The following SERPINF1 variants were observed in gnomAD, a reference collection of about 807,000 sequenced individuals.
SERPINF1 encodes serpin family F member 1.
A neutral mutation model predicts 37.3 loss-of-function variants in SERPINF1; 29 were observed. The observed-to-expected ratio is 0.78, with a 90% CI of 0.58 to 1.06. The LOEUF (loss-of-function observed/expected upper bound fraction) is 1.06. SERPINF1 is among the 50% of genes least tolerant of loss of function. The pLI is 0.00. For synonymous variants in SERPINF1, 281 were observed against 227.9 expected, an observed-to-expected ratio of 1.23 and a Z score of -2.10; for missense variants, 553 against 532.2, an observed-to-expected ratio of 1.04 and a Z score of -0.38.
At chr17:1,770,833 G>C (rs768231360) in intron 3 of SERPINF1, 196 bp from the exon 4 acceptor site, 15 of 641,674 alleles carry the variant, frequency 2.3e-5, no homozygotes, top group Non-Finnish European at 3.7e-5. Flanking sequence ...CCACCTTCCA[G>C]GCCTGATGCC....
chr17:1,770,953 G>T, intron 3 of SERPINF1, 76 bp from the exon 4 acceptor site: 1 of 1,576,620 alleles, frequency 6.3e-7, no homozygotes, highest in South Asian at 1.1e-5. Flanking sequence ...TGAGTATAGT[G>T]TCTGTGTTCT....
intron 4 of SERPINF1, 189 bp from the exon 5 acceptor site, chr17:1,771,683 G>T: frequency 3.0e-6 from 2 of 655,910 alleles, no homozygotes; most frequent in South Asian, 3.3e-5. Flanking sequence ...CGCGATGTGG[G>T]GAAATCTGCT....
chr17:1,775,433 A>G (rs779297051), intron 6 of SERPINF1, among the ~76,000 whole-genome samples: 2 of 152,182 alleles, frequency 1.3e-5, no homozygotes, highest in East Asian at 3.9e-4. Flanking sequence ...GAATAAGGTA[A>G]TAGGAAATGG....
Position 1,776,675 on chromosome 17 carries a change from G to A in SERPINF1, c.930G>A (p.Ala310=), listed in dbSNP as rs369836889. 17 of 1,613,316 alleles carry A rather than the reference G, an allele frequency of 1.1e-5. No homozygotes were observed. Among genetic ancestry groups the A allele is most frequent in the South Asian group, 5.5e-5 (5 of 91,032 alleles). Residue 310 remains alanine, a synonymous_variant, in exon 7 of 8, where the codon GCG becomes GCA. Transcript: ENST00000254722. ...ACCGAGAACTGAAGACCGTGCAGGC[G>A]GTCCTCACTGTCCCCAAGCTGAAGC... ...DIDRELKTVQ[A]VLTVPKLKLS... is the part of the protein sequence containing the mutation.
intron 7 of SERPINF1, 137 bp downstream of exon 7, chr17:1,776,879 G>A (rs565561417): frequency 1.6e-5 from 13 of 828,834 alleles, no homozygotes; most frequent in South Asian, 4.7e-5. Context: ...AATCCTCATC[G>A]TGCCAGAAGG....
intron 3 of SERPINF1, 60 bp from the exon 4 acceptor site, chr17:1,770,969 G>A (rs1451489931): frequency 6.2e-7 from 1 of 1,606,746 alleles, no homozygotes; most frequent in African/African-American, 1.3e-5. Context: ...GTTCTGGGAG[G>A]GGGCTTGATT....
intron 6 of SERPINF1, among the ~76,000 whole-genome samples, chr17:1,775,893 C>A (rs974502797): frequency 6.6e-6 from 1 of 152,224 alleles, no homozygotes. Context: ...AAGTCTGTAA[C>A]TGTTAACCTT....
chr17:1,770,946 G>T, intron 3 of SERPINF1, 83 bp from the exon 4 acceptor site: 2 of 1,552,372 alleles, frequency 1.3e-6, no homozygotes, highest in South Asian at 1.1e-5. Context: ...AAAAAGATGA[G>T]TATAGTGTCT....
At chr17:1,771,405 C>CT (rs1168699711) in intron 4 of SERPINF1, among the ~76,000 whole-genome samples, 2 of 151,796 alleles carry the variant, frequency 1.3e-5, no homozygotes, top group Non-Finnish European at 2.9e-5. Flanking sequence ...CCCAGCTAAT[C>CT]TTTTTTGTAT....
At chr17:1,776,812 T>C in intron 7 of SERPINF1, 70 bp downstream of exon 7, 1 of 1,441,900 alleles carries the variant, frequency 6.9e-7, no homozygotes, top group Non-Finnish European at 9.7e-7. Flanking sequence ...CCTTCCACTG[T>C]GCTAAGCAGA....
Position 1,777,292 on chromosome 17 carries a change from G to T in SERPINF1, c.1103G>T (p.Gly368Val). The T allele has an allele frequency of 6.2e-7, 1 of 1,614,140 alleles. No homozygotes were observed. The highest frequency in any genetic ancestry group is 1.1e-5 in the South Asian group (1 of 91,084). Reference sequence around the variant, plus strand: ...GCTGGCTTTGAGTGGAACGAGGATGGGGCGGGAACCACCCCCAGCCCAGGG... The same window carrying T: ...GCTGGCTTTGAGTGGAACGAGGATGTGGCGGGAACCACCCCCAGCCCAGGG... ...HRAGFEWNED[G>V]AGTTPSPGLQ... is the part of the protein sequence containing the mutation. Residue 368 changes from glycine (G) to valine (V), a missense_variant, in exon 8 of 8, where the codon GGG (glycine) becomes GTG (valine). Coordinates refer to ENST00000254722, the MANE Select transcript of SERPINF1 (RefSeq NM_002615.7).
intron 5 of SERPINF1, among the ~76,000 whole-genome samples, chr17:1,774,262 C>G (rs565002597): frequency 6.6e-6 from 1 of 152,290 alleles, no homozygotes; most frequent in South Asian, 2.1e-4. Context: ...GTGGTGTGAT[C>G]TCAGCTCACT....
rs1384869533 is a variant in SERPINF1, at chr17:1,775,090, A to G, written c.676A>G (p.Thr226Ala). ...QWVTKFDSRK[T>A]SLEDFYLDEE... ...GGTAACAAAGTTTGACTCCAGAAAGACTTCCCTCGAGGATTTCTACTTGGA... is the reference window on the plus strand; with the variant it reads ...GGTAACAAAGTTTGACTCCAGAAAGGCTTCCCTCGAGGATTTCTACTTGGA... Residue 226 changes from threonine to alanine, a missense_variant, in exon 6 of 8, where the codon ACT (threonine) becomes GCT (alanine). Thr to Ala is a moderately conservative substitution (Grantham distance 58, BLOSUM62 0). Coordinates refer to ENST00000254722, the MANE Select transcript of SERPINF1 (RefSeq NM_002615.7). 1 of 1,613,862 alleles carries G rather than the reference A, an allele frequency of 6.2e-7. No homozygotes were observed. Among genetic ancestry groups the G allele is most frequent in the Non-Finnish European group, 8.5e-7 (1 of 1,180,006 alleles).
chr17:1,765,365 C>G (rs1480367065), intron 1 of SERPINF1, among the ~76,000 whole-genome samples: 1 of 151,422 alleles, frequency 6.6e-6, no homozygotes, highest in African/African-American at 2.4e-5. Flanking sequence ...GCTCTGTTGC[C>G]CAGGCTGGAG....
At position 1,777,229 on chromosome 17, in the gene SERPINF1, C is replaced by A. The variant is rs146326833; in HGVS notation, c.1040C>A (p.Thr347Lys). The A allele has an allele frequency of 2.2e-5, 36 of 1,614,162 alleles. No individual in the cohort carries two copies. Among genetic ancestry groups the A allele is most frequent in the Non-Finnish European group, 2.9e-5 (34 of 1,180,042 alleles). The stretch of plus-strand genomic sequence containing the variant: ...GATTCACCAGACTTTAGCAAGATCA[C>A]AGGCAAACCCATCAAGCTGACTCAG... ...LFDSPDFSKI[T>K]GKPIKLTQVE... is the part of the protein sequence containing the mutation. The change falls in exon 8 of 8, where the codon ACA becomes AAA. Residue 347 changes from threonine (T) to lysine (K), a missense_variant. Thr to Lys is a moderately conservative substitution (Grantham distance 78, BLOSUM62 -1). Transcript: ENST00000254722.
At chr17:1,763,604 C>T (rs537270291) in intron 1 of SERPINF1, among the ~76,000 whole-genome samples, 3 of 152,230 alleles carry the variant, frequency 2.0e-5, no homozygotes, top group Non-Finnish European at 4.4e-5. Context: ...CGCTTGCCCT[C>T]TCACTGCCCT....
chr17:1,770,753 C>A, intron 3 of SERPINF1: 1 of 418,128 alleles, frequency 2.4e-6, no homozygotes, highest in Non-Finnish European at 4.5e-6. Context: ...AGCCACCGCG[C>A]CTGGCCAGAA....
At position 1,769,834 on chromosome 17, in the gene SERPINF1, C is replaced by T; in HGVS notation, c.85-18C>T. ...CGAGTCCCTGAACTCAAACCCAAGA[C>T]TTCCTGTCTCCTGCCAGGGCTCCCC... On this transcript the variant is annotated intron_variant, in intron 2 of 7. Coordinates refer to ENST00000254722, the MANE Select transcript of SERPINF1 (RefSeq NM_002615.7). The T allele has an allele frequency of 6.8e-6, 11 of 1,614,106 alleles. No homozygotes were observed. The highest frequency in any genetic ancestry group is 9.3e-6 in the Non-Finnish European group (11 of 1,179,940).
In SERPINF1 at chr17:1,770,045, C is replaced by G; in HGVS notation, c.278C>G (p.Ser93Trp). The change falls in exon 3 of 8, where the codon TCG becomes TGG. Residue 93 changes from serine (S) to tryptophan (W), a missense_variant. By Grantham distance (177) the Ser-to-Trp change is radical. Transcript: ENST00000254722. ...GTGGCCACGGCCCTCTCGGCCCTCT[C>G]GCTGGGTGAGTGCTCAGATGCAGGA... is the stretch of plus-strand genomic sequence containing the variant. ...LSVATALSALSLGAEQRTESI... is the reference protein window; with the variant it reads ...LSVATALSALWLGAEQRTESI... 1 of 1,614,148 alleles carries G rather than the reference C, an allele frequency of 6.2e-7. No individual in the cohort carries two copies. The highest frequency in any genetic ancestry group is 8.5e-7 in the Non-Finnish European group (1 of 1,180,022).
Sources: allele counts gnomAD v4.1 joint callset (sites outside exome capture counted in the v4.1 genomes callset), GRCh38; gene constraint gnomAD v4.1.1; transcripts MANE v1.5; gene names NCBI Gene and HGNC (gene_info 2026-07-23, HGNC 2026-07-21).